The following ZNF263 variants were observed in gnomAD, a reference collection of about 807,000 sequenced individuals.
ZNF263 encodes the protein zinc finger protein 263.
A neutral mutation model predicts 63.1 loss-of-function variants in ZNF263; 49 were observed. The ratio of observed to expected loss-of-function variants is 0.78; its 90% confidence interval spans 0.62 to 0.99. The LOEUF (loss-of-function observed/expected upper bound fraction) is 0.99. Among genes scored for constraint, ZNF263 ranks in the 50% least tolerant of loss-of-function variants. ZNF263 has a pLI of 0.00. For synonymous variants in ZNF263, 352 were observed against 324.2 expected, an observed-to-expected ratio of 1.09 and a Z score of -0.92; for missense variants, 872 against 854.8, an observed-to-expected ratio of 1.02 and a Z score of -0.25.
At position 3,290,199 on chromosome 16, in the gene ZNF263, C is replaced by G. The variant is rs1959556918; in HGVS notation, c.1693C>G (p.His565Asp). 2 of 1,614,156 alleles carry G rather than the reference C, an allele frequency of 1.2e-6. No homozygotes were observed. The highest frequency in any genetic ancestry group is 1.7e-6 in the Non-Finnish European group (2 of 1,180,020). The change falls in exon 6 of 6, where the codon CAT becomes GAT. Residue 565 changes from histidine (H) to aspartate (D), a missense_variant. By Grantham distance (81) the His-to-Asp change is moderately conservative. Coordinates refer to ENST00000219069, the MANE Select transcript of ZNF263 (RefSeq NM_005741.5). The part of the protein sequence containing the change: ...VSDSTPFLTN[H>D]GAHKAEKKLF... Reference sequence around the variant, plus strand: ...TGACAGCACCCCCTTTCTTACAAACCATGGAGCCCATAAGGCAGAGAAGAA... The same window carrying G: ...TGACAGCACCCCCTTTCTTACAAACGATGGAGCCCATAAGGCAGAGAAGAA...
At chr16:3,299,235 T>G in intron 2 of ZNF263, 1 of 1,611,324 alleles carries the variant, frequency 6.2e-7, no homozygotes, top group Non-Finnish European at 8.5e-7. Context: ...TTTGAACAAC[T>G]TCCTTTGTTA....
intron 1 of ZNF263, among the ~76,000 whole-genome samples, chr16:3,297,007 T>G (rs1031545882): frequency 2.0e-5 from 3 of 152,148 alleles, no homozygotes; most frequent in Non-Finnish European, 4.4e-5. Context: ...GCATTTGCTT[T>G]TCATTAAAAT....
At position 3,286,091 on chromosome 16, in the gene ZNF263, T is replaced by A. The variant is rs749202694; in HGVS notation, c.711T>A (p.Ser237Arg). ...AGGAGTGGGGGCATCAGGATCCTAG[T>A]AAGAGGGCCCTCTCCAGGGACACGG... ...SQEEWGHQDP[S>R]KRALSRDTVQ... is the part of the protein sequence containing the mutation. The change falls in exon 4 of 6, where the codon AGT becomes AGA. Residue 237 changes from serine to arginine, a missense_variant. Physicochemically the swap from Ser to Arg is moderately radical, Grantham distance 110. Coordinates refer to ENST00000219069, the MANE Select transcript of ZNF263 (RefSeq NM_005741.5). The A allele has an allele frequency of 9.9e-6, 16 of 1,611,810 alleles. No homozygotes were observed. The highest frequency in any genetic ancestry group is 1.3e-5 in the Non-Finnish European group (15 of 1,179,300).
chr16:3,296,916 G>C (rs1239443722), intron 1 of ZNF263, among the ~76,000 whole-genome samples: 3 of 152,196 alleles, frequency 2.0e-5, no homozygotes, highest in African/African-American at 4.8e-5. Context: ...TTGGTGTCTG[G>C]AGGAGGCTTG....
chr16:3,300,341 G>A lies in ZNF263; in HGVS notation c.*47-572G>A, dbSNP rs748449239. On this transcript the variant is annotated intron_variant, in intron 2 of 2. Coordinates refer to the ZNF263 transcript ENST00000574674. ...CCTCTTACCGGAACACCGGCTGAGC[G>A]TTTCTGTTGGTACCACATGTAGACC... 1.7e-5 allele frequency: 28 copies of A among 1,614,070 alleles called. No homozygotes were observed. The highest frequency in any genetic ancestry group is 6.7e-5 in the African/African-American group (5 of 74,916).
downstream of ZNF263, among the ~76,000 whole-genome samples, chr16:3,291,813 G>A (rs983616309): frequency 3.3e-5 from 5 of 152,252 alleles, no homozygotes; most frequent in African/African-American, 1.2e-4. Context: ...GACTCTTAGA[G>A]AACAGGATAT....
downstream of ZNF263, among the ~76,000 whole-genome samples, chr16:3,295,252 C>A (rs1320097125): frequency 1.3e-5 from 2 of 152,182 alleles, no homozygotes; most frequent in South Asian, 4.1e-4. Context: ...GCTCTGCCCC[C>A]AGAAGCGAAG....
Position 3,286,122 on chromosome 16 carries a change from G to A in ZNF263, c.742G>A (p.Glu248Lys). 2.5e-6 allele frequency: 4 copies of A among 1,602,004 alleles called. No homozygotes were observed. Among genetic ancestry groups the A allele is most frequent in the Non-Finnish European group, 3.4e-6 (4 of 1,176,812 alleles). Reference sequence around the variant, plus strand: ...GGCCCTCTCCAGGGACACGGTGCAGGAGAGTTATGAGAATGTGGACTCACT... The same window carrying A: ...GGCCCTCTCCAGGGACACGGTGCAGAAGAGTTATGAGAATGTGGACTCACT... ...KRALSRDTVQ[E>K]SYENVDSLES... The change falls in exon 4 of 6, where the codon GAG becomes AAG. Residue 248 changes from glutamate (E) to lysine (K), a missense_variant. Coordinates refer to ENST00000219069, the MANE Select transcript of ZNF263 (RefSeq NM_005741.5).
At chr16:3,293,691 G>A (rs116317201), downstream of ZNF263, among the ~76,000 whole-genome samples, 1 of 152,380 alleles carries the variant, frequency 6.6e-6, no homozygotes, top group African/African-American at 2.4e-5. Flanking sequence ...AGGGAGGCTG[G>A]TGGGTGAGAA....
downstream of ZNF263, among the ~76,000 whole-genome samples, chr16:3,295,439 T>A (rs1408227997): frequency 1.3e-5 from 2 of 151,930 alleles, no homozygotes; most frequent in African/African-American, 4.8e-5. Flanking sequence ...GGCTCCGGTG[T>A]ATGGTGGTTC....
Position 3,290,251 on chromosome 16 carries a change from A to G in ZNF263, c.1745A>G (p.Lys582Arg). The change falls in exon 6 of 6, where the codon AAA becomes AGA. Residue 582 changes from lysine to arginine, a missense_variant. Lys to Arg is a conservative substitution (Grantham distance 26, BLOSUM62 2). Coordinates refer to ENST00000219069, the MANE Select transcript of ZNF263 (RefSeq NM_005741.5). ...CTCTTTGAATGTTTGACTTGTGGGA[A>G]AAGCTTCCGGCAGGGCATGCACCTC... is the stretch of plus-strand genomic sequence containing the variant. ...KKLFECLTCG[K>R]SFRQGMHLTR... 1 of 1,614,192 alleles carries G rather than the reference A, an allele frequency of 6.2e-7. No individual in the cohort carries two copies. Among genetic ancestry groups the G allele is most frequent in the Non-Finnish European group, 8.5e-7 (1 of 1,180,028 alleles).
At chr16:3,299,388 T>C (rs773827756) in intron 2 of ZNF263, 1 of 1,556,794 alleles carries the variant, frequency 6.4e-7, no homozygotes, top group Non-Finnish European at 8.7e-7. Context: ...GAAAATCATA[T>C]TCAGGTTCCT....
rs760374713 is a variant in ZNF263, at chr16:3,290,202, G to A, written c.1696G>A (p.Gly566Arg). Residue 566 changes from glycine to arginine, a missense_variant, in exon 6 of 6, where the codon GGA becomes AGA. Physicochemically the swap from Gly to Arg is moderately radical, Grantham distance 125. Transcript: ENST00000219069. ...SDSTPFLTNH[G>R]AHKAEKKLFE... ...CAGCACCCCCTTTCTTACAAACCATGGAGCCCATAAGGCAGAGAAGAAGCT... is the reference window on the plus strand; with the variant it reads ...CAGCACCCCCTTTCTTACAAACCATAGAGCCCATAAGGCAGAGAAGAAGCT... 5.0e-6 allele frequency: 8 copies of A among 1,614,018 alleles called. No homozygotes were observed. The highest frequency in any genetic ancestry group is 1.7e-5 in the Admixed American group (1 of 59,992).
intron 5 of ZNF263, among the ~76,000 whole-genome samples, chr16:3,289,101 C>T (rs1412461462): frequency 6.6e-6 from 1 of 152,148 alleles, no homozygotes; most frequent in Non-Finnish European, 1.5e-5. Context: ...GCTTACTTGT[C>T]CCACCCTACT....
chr16:3,301,215 C>T (rs963971872), exon 3 of ZNF263: 4 of 167,178 alleles, frequency 2.4e-5, no homozygotes, highest in African/African-American at 9.6e-5. Flanking sequence ...ATAGTGTTCA[C>T]TGGGCAGCAG....
chr16:3,300,495 T>C, intron 2 of ZNF263: 1 of 1,614,158 alleles, frequency 6.2e-7, no homozygotes, highest in Admixed American at 1.7e-5. Flanking sequence ...CATAAAATGT[T>C]GACTTACTGA....
At chr16:3,287,452 C>T (rs7201158) in intron 4 of ZNF263, among the ~76,000 whole-genome samples, 36,645 of 144,148 alleles carry the variant, frequency 0.25, 5,073 homozygotes, top group Admixed American at 0.3. Context: ...ACTCTGTTGC[C>T]CAGGCTGCTC....
intron 1 of ZNF263, 58 bp downstream of exon 1, chr16:3,284,263 A>C: frequency 1.4e-6 from 2 of 1,447,906 alleles, no homozygotes; most frequent in South Asian, 3.2e-5. Context: ...GCACTGGGAC[A>C]TTGCGCCCCC....
At chr16:3,288,425 C>T in intron 4 of ZNF263, 29 bp from the exon 5 acceptor site, 1 of 1,550,950 alleles carries the variant, frequency 6.4e-7, no homozygotes, top group Non-Finnish European at 8.9e-7. Context: ...AGTGGCAGTA[C>T]AGAAATCTGT....
Sources: allele counts gnomAD v4.1 joint callset (sites outside exome capture counted in the v4.1 genomes callset), GRCh38; gene constraint gnomAD v4.1.1; transcripts MANE v1.5; gene names NCBI Gene and HGNC (gene_info 2026-07-23, HGNC 2026-07-21).